The following RAET1L variants were observed in gnomAD, a reference collection of about 807,000 sequenced individuals.
The protein encoded by RAET1L is retinoic acid early transcript 1L.
Under a neutral mutation model 23.9 loss-of-function variants are expected in RAET1L, and 16 were observed. The ratio of observed to expected loss-of-function variants is 0.67; its 90% confidence interval spans 0.45 to 1.02. RAET1L has a LOEUF of 1.02. Ranked by LOEUF, RAET1L falls within the 50% of genes least tolerant of loss-of-function variation. The pLI is 0.00. For synonymous variants in RAET1L, 70 were observed against 111.2 expected (o/e 0.63, Z 2.33); for missense variants, 233 against 304.0 (o/e 0.77, Z 1.74).
intron 1 of RAET1L, among the ~76,000 whole-genome samples, chr6:150,025,122 C>T (rs1431400902): frequency 2.0e-5 from 3 of 152,216 alleles, no homozygotes; most frequent in Admixed American, 1.3e-4. Context: ...AATCCGGGCC[C>T]CACCTAGCCC....
chr6:150,023,177 A>G (rs1779907780), intron 1 of RAET1L, among the ~76,000 whole-genome samples: 1 of 151,050 alleles, frequency 6.6e-6, no homozygotes, highest in Non-Finnish European at 1.5e-5. Context: ...TAGAGAAGTC[A>G]CAATGCCAGC....
Position 150,025,381 on chromosome 6 carries a change from G to C in RAET1L, c.85+6C>G. On this transcript the variant is annotated splice_donor_region_variant and intron_variant, in intron 1 of 4. Coordinates refer to ENST00000367341, the MANE Select transcript of RAET1L (RefSeq NM_130900.3). ...CGCCCCGCTTAGGCTCCATCCACCA[G>C]CTCACCGTCTCGCCTAGCCCGGGAC... The C allele has an allele frequency of 6.2e-7, 1 of 1,612,604 alleles. No homozygotes were observed. The highest frequency in any genetic ancestry group is 8.5e-7 in the Non-Finnish European group (1 of 1,178,848).
At chr6:150,025,117 G>A (rs776124289) in intron 1 of RAET1L, among the ~76,000 whole-genome samples, 1 of 152,154 alleles carries the variant, frequency 6.6e-6, no homozygotes, top group Non-Finnish European at 1.5e-5. Flanking sequence ...CTAGGAATCC[G>A]GGCCCCACCT....
At chr6:150,024,511 C>T (rs543821210) in intron 1 of RAET1L, among the ~76,000 whole-genome samples, 5 of 151,770 alleles carry the variant, frequency 3.3e-5, no homozygotes, top group Admixed American at 3.3e-4. Flanking sequence ...TGACCCCTGT[C>T]TACACAGTGA....
At position 150,020,890 on chromosome 6, in the gene RAET1L, T is replaced by G; in HGVS notation, c.631+15A>C. On this transcript the variant is annotated intron_variant, in intron 3 of 4. Coordinates refer to ENST00000367341, the MANE Select transcript of RAET1L (RefSeq NM_130900.3). ...TGATCTCATTTAAGATCCCCGTTTC[T>G]TTTTCTCCTGTTACCTCCTGCACTT... The G allele has an allele frequency of 3.1e-6, 5 of 1,611,930 alleles. No homozygotes were observed. Among genetic ancestry groups the G allele is most frequent in the Non-Finnish European group, 4.2e-6 (5 of 1,178,794 alleles).
chr6:150,021,149 C>T lies in RAET1L; in HGVS notation c.387G>A (p.Gln129=). The T allele has an allele frequency of 6.2e-7, 1 of 1,614,052 alleles. No homozygotes were observed. Among genetic ancestry groups the T allele is most frequent in the African/African-American group, 1.3e-5 (1 of 75,016 alleles). Residue 129 remains glutamine (Q), a synonymous_variant, in exon 3 of 5, where the codon CAG becomes CAA. Coordinates refer to ENST00000367341, the MANE Select transcript of RAET1L (RefSeq NM_130900.3). ...ATCCACTGCTGTGTCCTTCAGCTTT[C>T]TGCTCACAAGACATCCTTGCCTGCA... ...LTLQARMSCE[Q]KAEGHSSGSW... is the part of the protein sequence containing the mutation.
In RAET1L at chr6:150,022,202, A is replaced by G; in HGVS notation, c.127T>C (p.Phe43Leu). Residue 43 changes from phenylalanine to leucine, a missense_variant, in exon 2 of 5, where the codon TTC becomes CTC. Transcript: ENST00000367341. Reference sequence around the variant, plus strand: ...GCACACCACCGTGGTCCAGGTCTGAACTTAGGGATGACGGTGATGTCATAG... The same window carrying G: ...GCACACCACCGTGGTCCAGGTCTGAGCTTAGGGATGACGGTGATGTCATAG... ...LCYDITVIPK[F>L]RPGPRWCAVQ... The G allele has an allele frequency of 6.3e-7, 1 of 1,580,350 alleles. No homozygotes were observed. Among genetic ancestry groups the G allele is most frequent in the Non-Finnish European group, 8.6e-7 (1 of 1,163,498 alleles).
At chr6:150,021,813 C>T (rs943771978) in intron 2 of RAET1L, among the ~76,000 whole-genome samples, 167 bp downstream of exon 2, 1 of 151,940 alleles carries the variant, frequency 6.6e-6, no homozygotes, top group Non-Finnish European at 1.5e-5. Context: ...CAGGCGGTCT[C>T]GAATTCCTGA....
At position 150,025,401 on chromosome 6, in the gene RAET1L, C is replaced by G; in HGVS notation, c.71G>C (p.Arg24Pro). The G allele has an allele frequency of 6.2e-7, 1 of 1,613,936 alleles. No homozygotes were observed. The highest frequency in any genetic ancestry group is 1.3e-5 in the African/African-American group (1 of 75,080). ...CACCAGCTCACCGTCTCGCCTAGCC[C>G]GGGACCAGCCGAACAGCAGGAACAG... ...PLLFLLFGWS[R>P]ARRDDPHSLC... Residue 24 changes from arginine (R) to proline (P), a missense_variant, in exon 1 of 5, where the codon CGG (arginine) becomes CCG (proline). Coordinates refer to ENST00000367341, the MANE Select transcript of RAET1L (RefSeq NM_130900.3).
In RAET1L at chr6:150,021,053, A is replaced by G; in HGVS notation, c.483T>C (p.Val161=). The stretch of plus-strand genomic sequence containing the variant: ...CTTTCATCTTTCTGGCTCCAGGATG[A>G]ACCGTTGTCCACATTCTCTTCTCTG... ...FDSEKRMWTT[V]HPGARKMKEK... Residue 161 remains valine, a synonymous_variant, in exon 3 of 5, where the codon GTT becomes GTC. Coordinates refer to ENST00000367341, the MANE Select transcript of RAET1L (RefSeq NM_130900.3). The G allele has an allele frequency of 1.2e-6, 2 of 1,614,132 alleles. No individual in the cohort carries two copies. The highest frequency in any genetic ancestry group is 1.7e-6 in the Non-Finnish European group (2 of 1,180,034).
intron 1 of RAET1L, among the ~76,000 whole-genome samples, chr6:150,024,226 A>T (rs1272038313): frequency 6.6e-6 from 1 of 152,090 alleles, no homozygotes; most frequent in Non-Finnish European, 1.5e-5. Context: ...CACCACCCAG[A>T]AGCCACAGGC....
rs750375563 is a variant in RAET1L at position 150,021,120 on chromosome 6, C to A, written c.416G>T (p.Trp139Leu). 98 of 1,614,034 alleles carry A rather than the reference C, an allele frequency of 6.1e-5. No individual in the cohort carries two copies. The highest frequency in any genetic ancestry group is 8.2e-5 in the Non-Finnish European group (97 of 1,180,036). ...GGTCTGTCCATCGATACTGAACTGCCAAGATCCACTGCTGTGTCCTTCAGC... is the reference window on the plus strand; with the variant it reads ...GGTCTGTCCATCGATACTGAACTGCAAAGATCCACTGCTGTGTCCTTCAGC... Reference protein sequence around the residue: ...QKAEGHSSGSWQFSIDGQTFL... With the variant: ...QKAEGHSSGSLQFSIDGQTFL... Residue 139 changes from tryptophan (W) to leucine (L), a missense_variant, in exon 3 of 5, where the codon TGG (tryptophan) becomes TTG (leucine). Around this residue, in one of 4 missense-constraint regions of RAET1L, gnomAD observed 139 missense variants for 125.3 expected, o/e 1.11. Transcript: ENST00000367341.
rs962160609 is a variant in RAET1L at position 150,024,878 on chromosome 6, G to A, written c.85+509C>T. Among the ~76,000 whole-genome samples, 20 of 152,270 alleles carry A rather than the reference G, an allele frequency of 1.3e-4. No homozygotes were observed. In the East Asian group the frequency reaches 3.9e-3, roughly 29 times the overall value. ...GTATCTGCTGAGCCCCTGGGTGCAGGTGAGTGTCTACAGGAAAAGTGCGGG... is the reference window on the plus strand; with the variant it reads ...GTATCTGCTGAGCCCCTGGGTGCAGATGAGTGTCTACAGGAAAAGTGCGGG... On this transcript the variant is annotated intron_variant, in intron 1 of 4. Transcript: ENST00000367341.
In RAET1L at chr6:150,018,830, AG is replaced by A; in HGVS notation, c.*47del. 2.9e-6 allele frequency: 1 copy of A among 341,936 alleles called. No homozygotes were observed. The highest frequency in any genetic ancestry group is 5.8e-6 in the Non-Finnish European group (1 of 173,458). 21.2% of individuals were successfully genotyped at this position (341,936 alleles called of 1,614,324 possible). On this transcript the variant is annotated 3_prime_UTR_variant, in exon 5 of 5. Coordinates refer to ENST00000367341, the MANE Select transcript of RAET1L (RefSeq NM_130900.3). ...CGAGGTTGATCAAGACCGTGCTCAC[AG>A]GGGCTTTTTGGTATCATCTTTAACC...
At chr6:150,019,969 A>C in intron 4 of RAET1L, 139 bp downstream of exon 4, 1 of 478,300 alleles carries the variant, frequency 2.1e-6, no homozygotes, top group Non-Finnish European at 3.9e-6. Context: ...CAGGCAACAC[A>C]AGGTCTCATT....
chr6:150,020,846 T>G lies in RAET1L; in HGVS notation c.631+59A>C. 1.9e-6 allele frequency: 3 copies of G among 1,596,548 alleles called. No homozygotes were observed. In the African/African-American group the frequency reaches 4.0e-5, roughly 21 times the overall value. On this transcript the variant is annotated intron_variant, in intron 3 of 4. Transcript: ENST00000367341. The stretch of plus-strand genomic sequence containing the variant: ...ATTGAAGCTGAACTCAAGAACTAAC[T>G]TCTTGAGATCCCCATTTCTGATCTC...
intron 1 of RAET1L, among the ~76,000 whole-genome samples, chr6:150,024,157 A>C (rs1455752361): frequency 6.6e-6 from 1 of 152,128 alleles, no homozygotes; most frequent in Non-Finnish European, 1.5e-5. Context: ...GATGCCACTC[A>C]GCACAAAGGA....
rs147991775 is a variant in RAET1L at position 150,021,460 on chromosome 6, C to T, written c.350-274G>A. ...GACTACAGGCGCCCGCCACCATACC[C>T]GGCTATTTTTTTGTATTTTTAGTAC... is the stretch of plus-strand genomic sequence containing the variant. On this transcript the variant is annotated intron_variant, in intron 2 of 4. Transcript: ENST00000367341. Among the ~76,000 whole-genome samples the T allele has an allele frequency of 3.1e-3, 422 of 136,970 alleles. 10 individuals are homozygous for T. The highest frequency in any genetic ancestry group is 0.01 in the African/African-American group (385 of 37,572). The allele number at this position is 136,970 out of a possible 152,430, so 89.9% of individuals were successfully genotyped here. A position where few individuals can be genotyped will look rare whatever the true frequency, so the allele number is the denominator to read the frequency against.
intron 1 of RAET1L, among the ~76,000 whole-genome samples, chr6:150,023,837 C>T (rs1343381332): frequency 2.6e-5 from 4 of 152,128 alleles, no homozygotes; most frequent in Non-Finnish European, 4.4e-5. Flanking sequence ...GAGATGGGGC[C>T]TTTTGCCATG....
Sources: allele counts gnomAD v4.1 joint callset (sites outside exome capture counted in the v4.1 genomes callset), GRCh38; gene constraint gnomAD v4.1.1; regional missense constraint gnomAD v4.1.1; transcripts MANE v1.5; gene names NCBI Gene and HGNC (gene_info 2026-07-23, HGNC 2026-07-21).